The following GALNT17 variants were observed in gnomAD, a reference collection of about 807,000 sequenced individuals.
The protein encoded by GALNT17 is UDP-GalNAc:polypeptide N-acetylgalactosaminyltransferase-like 3.
Under a neutral mutation model 63.7 loss-of-function variants are expected in GALNT17, and 29 were observed. The observed-to-expected ratio is 0.46, with a 90% confidence interval of 0.34 to 0.62. The LOEUF is 0.62. Among genes scored for constraint, GALNT17 ranks in the 20% least tolerant of loss-of-function variants. The probability of loss-of-function intolerance (pLI) is 0.01; values close to 1 mark genes in which losing one functional copy is unlikely to be tolerated. For missense variants in GALNT17, 603 were observed against 799.6 expected (o/e 0.75, Z 2.97); for synonymous variants, 305 against 318.3 (o/e 0.96, Z 0.45).
chr7:71,250,450 C>A (rs1790176936), intron 1 of GALNT17, among the ~76,000 whole-genome samples: 1 of 151,560 alleles, frequency 6.6e-6, no homozygotes, highest in Non-Finnish European at 1.5e-5. Context: ...TTTTAAATAT[C>A]TGTGTTTTTA....
At chr7:71,674,192 T>C (rs1206874475) in intron 8 of GALNT17, among the ~76,000 whole-genome samples, 5 of 152,196 alleles carry the variant, frequency 3.3e-5, no homozygotes, top group Non-Finnish European at 7.3e-5. Flanking sequence ...TTCCCAGATA[T>C]AATCAATGTT....
chr7:71,163,648 C>T (rs764891681), intron 1 of GALNT17, among the ~76,000 whole-genome samples: 1 of 151,996 alleles, frequency 6.6e-6, no homozygotes, highest in Non-Finnish European at 1.5e-5. Context: ...TATTTGTTTG[C>T]GATGAAGAGA....
At chr7:71,411,581 C>A (rs1270041518) in intron 3 of GALNT17, among the ~76,000 whole-genome samples, 1 of 152,176 alleles carries the variant, frequency 6.6e-6, no homozygotes, top group East Asian at 1.9e-4. Flanking sequence ...GTTTTCAAAT[C>A]TCAACACCCT....
At chr7:71,398,316 T>A (rs1302798302) in intron 3 of GALNT17, among the ~76,000 whole-genome samples, 2 of 152,130 alleles carry the variant, frequency 1.3e-5, no homozygotes, top group Admixed American at 1.3e-4. Context: ...TCTTTCGCTA[T>A]CTGATATTTT....
intron 2 of GALNT17, among the ~76,000 whole-genome samples, chr7:71,346,748 G>C (rs1360329734): frequency 4.7e-5 from 7 of 149,846 alleles, no homozygotes; most frequent in Admixed American, 6.7e-5. Flanking sequence ...TTGCCTGTTG[G>C]GGGGGCGGGG....
At chr7:71,174,577 A>C (rs1298680456) in intron 1 of GALNT17, among the ~76,000 whole-genome samples, 7 of 152,150 alleles carry the variant, frequency 4.6e-5, no homozygotes, top group Non-Finnish European at 7.3e-5. Context: ...GTTATCATTA[A>C]TTCTTATAGG....
chr7:71,687,414 C>T (rs1367079441), intron 9 of GALNT17, among the ~76,000 whole-genome samples: 2 of 152,150 alleles, frequency 1.3e-5, no homozygotes, highest in African/African-American at 4.8e-5. Context: ...CCCTGGTCGT[C>T]GTCGGAAAAC....
At chr7:71,344,981 C>G (rs1319016422) in intron 2 of GALNT17, among the ~76,000 whole-genome samples, 1 of 151,670 alleles carries the variant, frequency 6.6e-6, no homozygotes, top group Admixed American at 6.6e-5. Context: ...CTCTGCTTGT[C>G]CGGCGTTTCC....
At chr7:71,244,772 G>C (rs1363362172) in intron 1 of GALNT17, among the ~76,000 whole-genome samples, 2 of 152,040 alleles carry the variant, frequency 1.3e-5, no homozygotes, top group African/African-American at 4.8e-5. Flanking sequence ...AACATAGTGA[G>C]ACCTTATCTC....
intron 9 of GALNT17, among the ~76,000 whole-genome samples, chr7:71,686,910 G>A (rs1035072283): frequency 3.3e-5 from 5 of 152,102 alleles, no homozygotes; most frequent in African/African-American, 9.7e-5. Flanking sequence ...TGGAGATTTC[G>A]ACGGGCACTC....
chr7:71,198,158 A>G (rs1789092480), intron 1 of GALNT17, among the ~76,000 whole-genome samples: 1 of 148,664 alleles, frequency 6.7e-6, no homozygotes, highest in Non-Finnish European at 1.5e-5. Context: ...AGATTGTGAC[A>G]TTGCACTCCA....
chr7:71,421,055 C>T lies in GALNT17; in HGVS notation c.912C>T (p.Ile304=), dbSNP rs765990737. The change falls in exon 5 of 11, where the codon ATC becomes ATT. Residue 304 remains isoleucine (I), a synonymous_variant. Transcript: ENST00000333538. ...GYSWELWCMY[I]SPPKDWWDAG... ...GCTGGGAGCTGTGGTGCATGTACAT[C>T]AGCCCCCCAAAAGACTGGTGGGACG... 12 of 1,614,038 alleles carry T rather than the reference C, an allele frequency of 7.4e-6. No homozygotes were observed. The highest frequency in any genetic ancestry group is 1.0e-5 in the Non-Finnish European group (12 of 1,180,028).
rs571213297 is a variant in GALNT17 at position 71,509,014 on chromosome 7, A to G, written c.963-62271A>G. 7.2e-5 allele frequency among the ~76,000 whole-genome samples: 11 copies of G among 152,276 alleles called. No individual in the cohort carries two copies. The East Asian group carries it at 1.9e-3, about 27-fold the overall frequency. Reference sequence around the variant, plus strand: ...TGCTTTCTCTTCCAGCCACTCCACCATAAAAACAGTTTCCGACTTAAAAAT... The same window carrying G: ...TGCTTTCTCTTCCAGCCACTCCACCGTAAAAACAGTTTCCGACTTAAAAAT... On this transcript the variant is annotated intron_variant, in intron 5 of 10. Coordinates refer to ENST00000333538, the MANE Select transcript of GALNT17 (RefSeq NM_022479.3).
At chr7:71,420,247 C>T (rs756946381) in intron 4 of GALNT17, among the ~76,000 whole-genome samples, 1 of 152,178 alleles carries the variant, frequency 6.6e-6, no homozygotes, top group Non-Finnish European at 1.5e-5. Context: ...CTGCTGCAGC[C>T]TCGAGCTGGG....
intron 1 of GALNT17, among the ~76,000 whole-genome samples, chr7:71,156,712 C>G (rs1256142552): frequency 7.1e-6 from 1 of 139,972 alleles, no homozygotes; most frequent in Non-Finnish European, 1.5e-5. Flanking sequence ...CTGTCTCTCT[C>G]TCTCTCTTTT....
chr7:71,255,865 T>G (rs1790279875), intron 1 of GALNT17, among the ~76,000 whole-genome samples: 1 of 152,116 alleles, frequency 6.6e-6, no homozygotes, highest in African/African-American at 2.4e-5. Flanking sequence ...GCCACATGAA[T>G]GGACCACTGT....
At chr7:71,580,583 C>T (rs1789622084) in intron 6 of GALNT17, among the ~76,000 whole-genome samples, 1 of 152,088 alleles carries the variant, frequency 6.6e-6, no homozygotes, top group Non-Finnish European at 1.5e-5. Flanking sequence ...AAGCTGCGTA[C>T]ACTCAGGAAA....
At chr7:71,171,990 G>A (rs1005167179) in intron 1 of GALNT17, among the ~76,000 whole-genome samples, 1 of 152,172 alleles carries the variant, frequency 6.6e-6, no homozygotes, top group Non-Finnish European at 1.5e-5. Flanking sequence ...CAATCTTCAG[G>A]ATTAATTCTT....
intron 3 of GALNT17, among the ~76,000 whole-genome samples, chr7:71,407,535 C>A (rs943287024): frequency 1.3e-5 from 2 of 152,090 alleles, no homozygotes; most frequent in Admixed American, 1.3e-4. Flanking sequence ...ATCACTTGAG[C>A]CCAGAGTTCA....
Sources: allele counts gnomAD v4.1 joint callset (sites outside exome capture counted in the v4.1 genomes callset), GRCh38; gene constraint gnomAD v4.1.1; transcripts MANE v1.5; gene names NCBI Gene and HGNC (gene_info 2026-07-23, HGNC 2026-07-21).